Variants in HSD17B12 observed in about 807,000 individuals in gnomAD.
HSD17B12 encodes the protein hydroxysteroid 17-beta dehydrogenase 12.
In HSD17B12, 32 loss-of-function variants were observed where a neutral mutation model predicts 39.3. That is an observed-to-expected ratio of 0.81 (90% CI 0.61 to 1.09). The LOEUF (loss-of-function observed/expected upper bound fraction) is 1.09, where lower values mean the gene tolerates loss of function less well. Ranked by LOEUF, HSD17B12 falls within the 50% of genes least tolerant of loss-of-function variation. The probability of loss-of-function intolerance (pLI) is 0.00; values close to 1 mark genes in which losing one functional copy is unlikely to be tolerated. For missense variants in HSD17B12, 342 were observed against 382.9 expected, an observed-to-expected ratio of 0.89 and a Z score of 0.89; for synonymous variants, 150 against 146.7, an observed-to-expected ratio of 1.02 and a Z score of -0.16.
chr11:43,672,703 G>C, the HSD17B12 span, among the ~76,000 whole-genome samples: 1 of 151,944 alleles, frequency 6.6e-6, no homozygotes, highest in Non-Finnish European at 1.5e-5. Flanking sequence ...ACCACACCCG[G>C]CTCATTTTTG....
intron 1 of HSD17B12, 95 bp from the exon 2 acceptor site, chr11:43,750,816 C>T (rs758874073): frequency 9.0e-6 from 7 of 778,366 alleles, no homozygotes; most frequent in Non-Finnish European, 1.5e-5. Context: ...CAAAGTGTCA[C>T]ACTGGTCCTT....
intron 3 of HSD17B12, among the ~76,000 whole-genome samples, chr11:43,767,936 T>C (rs1950610268): frequency 6.6e-6 from 1 of 152,246 alleles, no homozygotes; most frequent in Admixed American, 6.5e-5. Context: ...CACTTAATCA[T>C]ATTCAGGCAT....
the HSD17B12 span, among the ~76,000 whole-genome samples, chr11:43,611,242 A>G: frequency 2.0e-5 from 3 of 152,250 alleles, no homozygotes; most frequent in African/African-American, 7.2e-5. Context: ...ATGAAGTTCC[A>G]GAAAAGTAAA....
chr11:43,853,479 T>C (rs999904168), intron 9 of HSD17B12: 1 of 152,130 alleles, frequency 6.6e-6, no homozygotes, highest in African/African-American at 2.4e-5. Context: ...TTAGAACCAT[T>C]CCTTTTCTTT....
At chr11:43,839,793 G>T (rs1032634101) in intron 8 of HSD17B12, among the ~76,000 whole-genome samples, 1 of 152,096 alleles carries the variant, frequency 6.6e-6, no homozygotes, top group Non-Finnish European at 1.5e-5. Flanking sequence ...TATTATATTT[G>T]GTAATATAAT....
chr11:43,764,924 TA>T (rs2134972859), intron 3 of HSD17B12, among the ~76,000 whole-genome samples: 1 of 152,294 alleles, frequency 6.6e-6, no homozygotes, highest in South Asian at 2.1e-4. Context: ...TTGATTGAGC[TA>T]AAACCTACCA....
intron 4 of HSD17B12, among the ~76,000 whole-genome samples, chr11:43,811,419 T>C (rs1296291945): frequency 1.3e-5 from 2 of 152,188 alleles, no homozygotes; most frequent in African/African-American, 2.4e-5. Flanking sequence ...GACCTTGGTG[T>C]GTACTTCACC....
intron 1 of HSD17B12, among the ~76,000 whole-genome samples, chr11:43,696,735 T>G (rs1949915220): frequency 6.6e-6 from 1 of 152,136 alleles, no homozygotes; most frequent in South Asian, 2.1e-4. Flanking sequence ...CAGCACTATT[T>G]ACAATAGCGA....
At chr11:43,660,425 G>A in the HSD17B12 span, among the ~76,000 whole-genome samples, 1 of 151,746 alleles carries the variant, frequency 6.6e-6, no homozygotes, top group African/African-American at 2.4e-5. Context: ...ATGAAAAGAT[G>A]CTCATTATCT....
intron 1 of HSD17B12, among the ~76,000 whole-genome samples, chr11:43,729,599 C>CGCTTAA (rs1287179008): frequency 6.6e-6 from 1 of 152,138 alleles, no homozygotes; most frequent in Non-Finnish European, 1.5e-5. Flanking sequence ...CATAAGAGGA[C>CGCTTAA]GCTTAAATCA....
the HSD17B12 span, among the ~76,000 whole-genome samples, chr11:43,623,672 G>T: frequency 6.6e-6 from 1 of 151,606 alleles, no homozygotes; most frequent in East Asian, 1.9e-4. Context: ...GCTTTTATTT[G>T]TTCATAAAAA....
intron 1 of HSD17B12, among the ~76,000 whole-genome samples, chr11:43,703,974 AG>A (rs1949991162): frequency 6.6e-6 from 1 of 150,670 alleles, no homozygotes; most frequent in Non-Finnish European, 1.5e-5. Flanking sequence ...TTGCTTTTCT[AG>A]TTCTTTAAGA....
At chr11:43,767,800 C>T (rs1310833898) in intron 3 of HSD17B12, among the ~76,000 whole-genome samples, 2 of 152,132 alleles carry the variant, frequency 1.3e-5, no homozygotes, top group African/African-American at 4.8e-5. Flanking sequence ...GATATGGAAT[C>T]AACTTTTAAT....
intron 1 of HSD17B12, chr11:43,718,893 A>G: frequency 1.1e-6 from 1 of 921,380 alleles, no homozygotes. Context: ...AAGCTTGACC[A>G]CTATGCTGTC....
chr11:43,592,063 A>G, the HSD17B12 span, among the ~76,000 whole-genome samples: 24 of 152,212 alleles, frequency 1.6e-4, no homozygotes, highest in South Asian at 6.2e-4. Flanking sequence ...TTAAACTGAG[A>G]GCATTTTTAA....
the HSD17B12 span, among the ~76,000 whole-genome samples, chr11:43,579,876 T>C: frequency 6.6e-6 from 1 of 151,562 alleles, no homozygotes; most frequent in African/African-American, 2.4e-5. Context: ...GGAGTGTGTG[T>C]GCGCGCGCGC....
chr11:43,786,239 A>G (rs1305021353), intron 3 of HSD17B12, among the ~76,000 whole-genome samples: 1 of 152,250 alleles, frequency 6.6e-6, no homozygotes, highest in Non-Finnish European at 1.5e-5. Context: ...CCATTGTATT[A>G]GGAACACAGA....
the HSD17B12 span, among the ~76,000 whole-genome samples, chr11:43,563,327 T>C: frequency 3.9e-5 from 6 of 152,198 alleles, no homozygotes; most frequent in Non-Finnish European, 7.4e-5. Context: ...GGTAGGACCC[T>C]TACCAATCCT....
At chr11:43,742,112 AATATATATAT>A (rs1168038073) in intron 1 of HSD17B12, among the ~76,000 whole-genome samples, 1 of 93,176 alleles carries the variant, frequency 1.1e-5, no homozygotes, top group Non-Finnish European at 2.2e-5. Context: ...AGGCAAAGGA[AATATATATAT>A]ATATATATAT....
Sources: allele counts gnomAD v4.1 joint callset (sites outside exome capture counted in the v4.1 genomes callset), GRCh38; gene constraint gnomAD v4.1.1; transcripts MANE v1.5; gene names NCBI Gene and HGNC (gene_info 2026-07-23, HGNC 2026-07-21).